The following RBFOX3 variants were observed in gnomAD, a reference collection of about 807,000 sequenced individuals.
The protein encoded by RBFOX3 is RNA binding protein fox-1 homolog 3.
A neutral mutation model predicts 48.7 loss-of-function variants in RBFOX3; 17 were observed. The observed-to-expected ratio is 0.35, with a 90% CI of 0.24 to 0.52. The LOEUF (loss-of-function observed/expected upper bound fraction) is 0.52, where lower values mean the gene tolerates loss of function less well. Ranked by LOEUF, RBFOX3 falls within the 20% of genes least tolerant of loss-of-function variation. The probability of loss-of-function intolerance (pLI) is 0.94; values close to 1 mark genes in which losing one functional copy is unlikely to be tolerated. For synonymous variants in RBFOX3, 212 were observed against 209.5 expected, an observed-to-expected ratio of 1.01 and a Z score of -0.10; for missense variants, 382 against 497.5, an observed-to-expected ratio of 0.77 and a Z score of 2.21.
intron 1 of RBFOX3, among the ~76,000 whole-genome samples, chr17:79,562,116 C>T (rs1045908080): frequency 4.6e-5 from 7 of 152,372 alleles, no homozygotes; most frequent in East Asian, 3.9e-4. Context: ...GAAATTAATT[C>T]TCCCCCTAAA....
chr17:79,341,905 G>C (rs556039613), intron 2 of RBFOX3, among the ~76,000 whole-genome samples: 73 of 152,382 alleles, frequency 4.8e-4, no homozygotes, highest in African/African-American at 1.8e-3. Context: ...GAATGCAGGT[G>C]ATGCGCTAAT....
Position 79,480,380 on chromosome 17 carries a change from G to A in RBFOX3, c.-175+2074C>T, listed in dbSNP as rs1425057434. Reference sequence around the variant, plus strand: ...AGGGATAGAGTGCGACAGTGGGCTCGCTCGTCAGCTGTCCCTTGCTTCCAC... The same window carrying A: ...AGGGATAGAGTGCGACAGTGGGCTCACTCGTCAGCTGTCCCTTGCTTCCAC... On this transcript the variant is annotated intron_variant, in intron 2 of 14. Transcript: ENST00000693108. The surrounding 1 kb of genome is among the most constrained non-coding windows in gnomAD (Gnocchi z 4.8). Among the ~76,000 whole-genome samples, 2 of 152,114 alleles carry A rather than the reference G, an allele frequency of 1.3e-5. No homozygotes were observed. Among genetic ancestry groups the A allele is most frequent in the South Asian group, 2.1e-4 (1 of 4,830 alleles).
Position 79,106,676 on chromosome 17 carries a change from TC to T in RBFOX3, c.334del (p.Asp112ThrfsTer15). The T allele has an allele frequency of 6.7e-7, 1 of 1,483,884 alleles. No individual in the cohort carries two copies. The highest frequency in any genetic ancestry group is 8.9e-7 in the Non-Finnish European group (1 of 1,121,216). The allele number at this position is 1,483,884 out of a possible 1,614,324, so 91.9% of individuals were successfully genotyped here. ...CCCGAACATTTGCCGCAAGTCGGGG[TC>T]CCTGAACCGGAAGGGGATGTTGGAG... is the stretch of plus-strand genomic sequence containing the variant. The part of the protein sequence containing the change: ...HVSNIPFRFR[D>X]PDLRQMFGQF... On this transcript the variant is annotated frameshift_variant, in exon 6 of 15. Coordinates refer to ENST00000693108, the MANE Select transcript of RBFOX3 (RefSeq NM_001350451.2). LOFTEE classifies it high-confidence loss of function.
At chr17:79,444,359 A>G (rs1221261406) in intron 2 of RBFOX3, among the ~76,000 whole-genome samples, 1 of 151,994 alleles carries the variant, frequency 6.6e-6, no homozygotes, top group Non-Finnish European at 1.5e-5. Flanking sequence ...CCCTGAGCCC[A>G]GTGAGGTTGG....
At chr17:79,499,113 TATCC>T (rs1218019856) in intron 1 of RBFOX3, among the ~76,000 whole-genome samples, 4 of 133,178 alleles carry the variant, frequency 3.0e-5, no homozygotes, top group African/African-American at 1.1e-4. Flanking sequence ...TCTATCCACT[TATCC>T]ATCCATCCAT....
chr17:79,303,851 C>CTG (rs34981785), intron 3 of RBFOX3, among the ~76,000 whole-genome samples: 66,561 of 147,622 alleles, frequency 0.45, 16,479 homozygotes, highest in Middle Eastern at 0.56. Context: ...GCATGTCTGC[C>CTG]TGTGTGTGTG....
At position 79,477,599 on chromosome 17, in the gene RBFOX3, A is replaced by T. The variant is rs1350149154; in HGVS notation, c.-175+4855T>A. On this transcript the variant is annotated intron_variant, in intron 2 of 14. Transcript: ENST00000693108. The surrounding 1 kb of genome is among the most constrained non-coding windows in gnomAD (Gnocchi z 4.8). ...AGGAGGAGTAGGAAAAAAGGGTGAA[A>T]CAGAAGCAATGGAGTGGGGCCCCAG... is the stretch of plus-strand genomic sequence containing the variant. Among the ~76,000 whole-genome samples, 1 of 151,870 alleles carries T rather than the reference A, an allele frequency of 6.6e-6. No individual in the cohort carries two copies. The highest frequency in any genetic ancestry group is 2.4e-5 in the African/African-American group (1 of 41,352).
chr17:79,431,210 C>T (rs1444579017), intron 2 of RBFOX3, among the ~76,000 whole-genome samples: 1 of 152,316 alleles, frequency 6.6e-6, no homozygotes, highest in East Asian at 1.9e-4. Flanking sequence ...TCTGTTCTCA[C>T]TGCAGTGGTT....
chr17:79,370,858 A>G (rs1012362634), intron 2 of RBFOX3, among the ~76,000 whole-genome samples: 2 of 152,194 alleles, frequency 1.3e-5, no homozygotes, highest in Admixed American at 1.3e-4. Flanking sequence ...ATGCACACAC[A>G]TGCTTCTCTG....
At chr17:79,629,897 T>C in the RBFOX3 span, among the ~76,000 whole-genome samples, 2 of 152,194 alleles carry the variant, frequency 1.3e-5, no homozygotes, top group Admixed American at 6.5e-5. Context: ...AGCAATCCCA[T>C]TATACTCCCC....
At chr17:79,167,249 C>T (rs1047359001) in intron 4 of RBFOX3, among the ~76,000 whole-genome samples, 5 of 152,216 alleles carry the variant, frequency 3.3e-5, no homozygotes, top group Non-Finnish European at 5.9e-5. Context: ...GGCACAGTGC[C>T]AGGCTCGGGG....
rs115979851 is a variant in RBFOX3 at position 79,258,683 on chromosome 17, G to A, written c.-73-22878C>T. ...TCAGGTGCACCCAGCAAGAGAGATG[G>A]ACAGGCCCTTTGGAAGATCAGGAGG... is the stretch of plus-strand genomic sequence containing the variant. On this transcript the variant is annotated intron_variant, in intron 3 of 14. Coordinates refer to ENST00000693108, the MANE Select transcript of RBFOX3 (RefSeq NM_001350451.2). Among the ~76,000 whole-genome samples the A allele has an allele frequency of 8.5e-3, 1,293 of 152,338 alleles. 15 individuals are homozygous for A. The highest frequency in any genetic ancestry group is 0.029 in the African/African-American group (1,223 of 41,574).
At chr17:79,441,240 G>T (rs8070220) in intron 2 of RBFOX3, among the ~76,000 whole-genome samples, 1 of 152,052 alleles carries the variant, frequency 6.6e-6, no homozygotes, top group Non-Finnish European at 1.5e-5. Flanking sequence ...CCAGGCTCTA[G>T]GCCAGGGTCC....
chr17:79,142,859 G>C (rs1024113653), intron 4 of RBFOX3, among the ~76,000 whole-genome samples: 1 of 152,168 alleles, frequency 6.6e-6, no homozygotes, highest in Admixed American at 6.5e-5. Flanking sequence ...AAGGATGGGG[G>C]GAGAACCAGG....
In RBFOX3 at chr17:79,610,930, G is replaced by A. The variant is rs1172042331; in HGVS notation, c.-424C>T. 2.0e-5 allele frequency among the ~76,000 whole-genome samples: 3 copies of A among 151,294 alleles called. No individual in the cohort carries two copies. Among genetic ancestry groups the A allele is most frequent in the South Asian group, 2.1e-4 (1 of 4,824 alleles). On this transcript the variant is annotated 5_prime_UTR_variant, in exon 1 of 15. Transcript: ENST00000693108. ...GGCGTCCTGGGGCCGCACAGGCACCGGCGAGCCAGCGGCAAGGGGCGCGCG... is the reference window on the plus strand; with the variant it reads ...GGCGTCCTGGGGCCGCACAGGCACCAGCGAGCCAGCGGCAAGGGGCGCGCG...
chr17:79,306,006 A>G (rs12938262), intron 3 of RBFOX3, among the ~76,000 whole-genome samples: 99,939 of 152,118 alleles, frequency 0.66, 32,956 homozygotes, highest in South Asian at 0.68. Flanking sequence ...GCTCAGCTAG[A>G]GTCGAGTTTC....
At chr17:79,636,084 C>G in the RBFOX3 span, among the ~76,000 whole-genome samples, 1 of 152,146 alleles carries the variant, frequency 6.6e-6, no homozygotes, top group Non-Finnish European at 1.5e-5. Context: ...TTTACCCTGA[C>G]AAGTAAGCCA....
At chr17:79,358,066 C>G (rs2147195296) in intron 2 of RBFOX3, among the ~76,000 whole-genome samples, 1 of 152,178 alleles carries the variant, frequency 6.6e-6, no homozygotes, top group Non-Finnish European at 1.5e-5. Flanking sequence ...CCTGTCTCAG[C>G]CTCCCAAGTG....
At chr17:79,428,760 TG>T (rs1456862205) in intron 2 of RBFOX3, among the ~76,000 whole-genome samples, 1 of 152,186 alleles carries the variant, frequency 6.6e-6, no homozygotes, top group Admixed American at 6.5e-5. Context: ...TGAGGGTAGG[TG>T]ACACTCCCTG....
Sources: gnomAD v4.1 joint callset for allele counts (sites outside exome capture counted in the v4.1 genomes callset) on GRCh38, gnomAD v4.1.1 for gene constraint, Gnocchi (gnomAD v3.1) non-coding constraint, MANE v1.5 for transcripts, NCBI Gene and HGNC (gene_info 2026-07-23, HGNC 2026-07-21) for gene names.